OMA1: variants seen among roughly 807,000 people sequenced by gnomAD.
OMA1 encodes the protein metalloendopeptidase OMA1, mitochondrial.
OMA1 carries 38 observed loss-of-function variants against 30.9 expected under a neutral mutation model. The observed-to-expected ratio is 1.23, with a 90% confidence interval of 0.95 to 1.61. The LOEUF is 1.61. Ranked by LOEUF, OMA1 falls within the 40% of genes most tolerant of loss-of-function variation. OMA1 has a pLI of 0.00. For missense variants in OMA1, 461 were observed against 349.2 expected, an observed-to-expected ratio of 1.32 and a Z score of -2.55; for synonymous variants, 173 against 121.9, an observed-to-expected ratio of 1.42 and a Z score of -2.76.
At chr1:58,525,115 G>A (rs180758845) in intron 7 of OMA1, among the ~76,000 whole-genome samples, 102 of 152,180 alleles carry the variant, frequency 6.7e-4, no homozygotes, top group African/African-American at 2.3e-3. Flanking sequence ...GTAGGCACAC[G>A]TTTTGATAAA....
At chr1:58,495,370 G>A (rs1351859001) in intron 8 of OMA1, among the ~76,000 whole-genome samples, 1 of 152,024 alleles carries the variant, frequency 6.6e-6, no homozygotes, top group East Asian at 1.9e-4. Flanking sequence ...GTATATATAT[G>A]TAACACACCT....
chr1:58,530,765 T>A, intron 5 of OMA1, 36 bp from the exon 6 acceptor site: 1 of 861,244 alleles, frequency 1.2e-6, no homozygotes. Context: ...CTACATTTTA[T>A]ACATTGAGAC....
At chr1:58,522,397 T>G (rs1275693806) in intron 7 of OMA1, among the ~76,000 whole-genome samples, 1 of 152,146 alleles carries the variant, frequency 6.6e-6, no homozygotes, top group African/African-American at 2.4e-5. Context: ...CTTAGGATAT[T>G]AGAAATGGAA....
intron 7 of OMA1, among the ~76,000 whole-genome samples, chr1:58,521,749 A>G (rs910633501): frequency 1.7e-4 from 26 of 152,204 alleles, no homozygotes; most frequent in Admixed American, 6.5e-4. Flanking sequence ...TATCTATTAA[A>G]GAGACTGAAT....
chr1:58,501,069 G>A (rs1249343869), intron 8 of OMA1, among the ~76,000 whole-genome samples: 1 of 152,110 alleles, frequency 6.6e-6, no homozygotes, highest in Admixed American at 6.5e-5. Context: ...ACCAAAATAT[G>A]TGGAATATGT....
chr1:58,539,012 T>C lies in OMA1; in HGVS notation c.283A>G (p.Ser95Gly). Reference sequence around the variant, plus strand: ...GCATCATTCCATACAGTACATTTGCTGGTAATCCTCCAAATTTCCTTACTT... The same window carrying C: ...GCATCATTCCATACAGTACATTTGCCGGTAATCCTCCAAATTTCCTTACTT... ...TKSKEIWRIT[S>G]KCTVWNDAFS... Residue 95 changes from serine (S) to glycine (G), a missense_variant, in exon 2 of 9, where the codon AGC becomes GGC. Ser to Gly is a moderately conservative substitution (Grantham distance 56). Transcript: ENST00000371226. 1.1e-6 allele frequency: 1 copy of C among 872,898 alleles called. No individual in the cohort carries two copies. Among genetic ancestry groups the C allele is most frequent in the South Asian group, 1.3e-5 (1 of 76,544 alleles). The allele number at this position is 872,898 out of a possible 1,614,324, so 54.1% of individuals were successfully genotyped here. A position where few individuals can be genotyped will look rare whatever the true frequency, so the allele number is the denominator to read the frequency against.
chr1:58,521,127 G>T (rs1646255840), intron 7 of OMA1, among the ~76,000 whole-genome samples: 1 of 152,034 alleles, frequency 6.6e-6, no homozygotes, highest in South Asian at 2.1e-4. Context: ...GCTAGAAATC[G>T]AAAACAAAAG....
rs79878953 is a variant in OMA1 at position 58,524,009 on chromosome 1, C to A, written c.1215+3252G>T. On this transcript the variant is annotated intron_variant, in intron 7 of 8. Coordinates refer to ENST00000371226, the MANE Select transcript of OMA1 (RefSeq NM_145243.5). Reference sequence around the variant, plus strand: ...AAAAGCGTTCTCATTGTGTAGCAGGCCTTTTTGCTTTACAACCAAAAGACT... The same window carrying A: ...AAAAGCGTTCTCATTGTGTAGCAGGACTTTTTGCTTTACAACCAAAAGACT... 2.6e-3 allele frequency among the ~76,000 whole-genome samples: 400 copies of A among 152,272 alleles called. 10 individuals are homozygous for A. The East Asian group carries it at 0.05, about 19-fold the overall frequency.
intron 8 of OMA1, among the ~76,000 whole-genome samples, chr1:58,500,083 T>A (rs2100402650): frequency 6.6e-6 from 1 of 152,318 alleles, no homozygotes; most frequent in East Asian, 1.9e-4. Flanking sequence ...ATTTTTAGCA[T>A]GTTTTTCTAA....
intron 6 of OMA1, among the ~76,000 whole-genome samples, chr1:58,529,437 T>C (rs1024977466): frequency 6.6e-6 from 1 of 152,250 alleles, no homozygotes; most frequent in Non-Finnish European, 1.5e-5. Flanking sequence ...TATTACAGTG[T>C]TTTGGACAAA....
At chr1:58,517,448 A>G (rs569527759) in intron 7 of OMA1, among the ~76,000 whole-genome samples, 16 of 152,250 alleles carry the variant, frequency 1.1e-4, no homozygotes, top group Admixed American at 7.8e-4. Flanking sequence ...GATAATTACT[A>G]TTTATCTTTC....
At chr1:58,499,724 T>C (rs770475809) in intron 8 of OMA1, among the ~76,000 whole-genome samples, 4 of 152,054 alleles carry the variant, frequency 2.6e-5, no homozygotes, top group African/African-American at 4.8e-5. Flanking sequence ...TTACACAATG[T>C]ATACAGATAT....
chr1:58,522,242 T>C (rs753054284), intron 7 of OMA1, among the ~76,000 whole-genome samples: 18 of 152,268 alleles, frequency 1.2e-4, no homozygotes, highest in South Asian at 2.1e-4. Flanking sequence ...GATGAGTTGA[T>C]CTGTGCAGCA....
intron 7 of OMA1, among the ~76,000 whole-genome samples, chr1:58,508,974 G>A (rs932389797): frequency 6.6e-6 from 1 of 152,080 alleles, no homozygotes; most frequent in African/African-American, 2.4e-5. Flanking sequence ...GACCAGACAG[G>A]ACCCTAGACA....
At chr1:58,523,681 C>T (rs144492966) in intron 7 of OMA1, among the ~76,000 whole-genome samples, 2,267 of 152,204 alleles carry the variant, frequency 0.015, 53 homozygotes, top group African/African-American at 0.05. Context: ...GGGCGGATCA[C>T]GAGGTCAGGA....
In OMA1 at chr1:58,541,123, G is replaced by A. The variant is rs920828010; in HGVS notation, c.-16-1813C>T. Among the ~76,000 whole-genome samples the A allele has an allele frequency of 1.0e-3, 11 of 10,678 alleles. No homozygotes were observed. In the East Asian group the frequency reaches 0.027, roughly 27 times the overall value. The allele number at this position is 10,678 out of a possible 152,430, so 7.0% of individuals were successfully genotyped here. On this transcript the variant is annotated intron_variant, in intron 1 of 8. Coordinates refer to ENST00000371226, the MANE Select transcript of OMA1 (RefSeq NM_145243.5). The stretch of plus-strand genomic sequence containing the variant: ...TCAGGCATTCGAGGCGTGAAACCCC[G>A]TCTCTACTAAAAATACAAAAATTAG...
intron 7 of OMA1, among the ~76,000 whole-genome samples, chr1:58,515,238 A>G (rs1005760572): frequency 1.3e-5 from 2 of 152,198 alleles, no homozygotes; most frequent in Non-Finnish European, 2.9e-5. Context: ...TCTTGAGATA[A>G]TTTCAGCTAA....
chr1:58,489,888 G>C (rs1208790105), intron 8 of OMA1, among the ~76,000 whole-genome samples: 1 of 152,310 alleles, frequency 6.6e-6, no homozygotes, highest in East Asian at 1.9e-4. Flanking sequence ...GGTCCTGACT[G>C]TTAGAAGGAA....
At chr1:58,494,479 G>T (rs950799812) in intron 8 of OMA1, among the ~76,000 whole-genome samples, 1 of 152,126 alleles carries the variant, frequency 6.6e-6, no homozygotes, top group Admixed American at 6.5e-5. Context: ...GAGTGAACAG[G>T]CAACCTACAG....
Sources: allele counts gnomAD v4.1 joint callset (sites outside exome capture counted in the v4.1 genomes callset), GRCh38; gene constraint gnomAD v4.1.1; transcripts MANE v1.5; gene names NCBI Gene and HGNC (gene_info 2026-07-23, HGNC 2026-07-21).